The following IRAK1BP1 variants were observed in gnomAD, a reference collection of about 807,000 sequenced individuals.
IRAK1BP1 encodes interleukin 1 receptor associated kinase 1 binding protein 1.
IRAK1BP1 carries 24 observed loss-of-function variants against 28.0 expected under a neutral mutation model. The ratio of observed to expected loss-of-function variants is 0.86; its 90% CI spans 0.62 to 1.20. The LOEUF (loss-of-function observed/expected upper bound fraction) is 1.20. Among genes scored for constraint, IRAK1BP1 ranks in the 50% most tolerant of loss-of-function variants. IRAK1BP1 has a pLI of 0.00. For synonymous variants in IRAK1BP1, 131 were observed against 116.3 expected, an observed-to-expected ratio of 1.13 and a Z score of -0.81; for missense variants, 336 against 316.7, an observed-to-expected ratio of 1.06 and a Z score of -0.46.
the IRAK1BP1 span, among the ~76,000 whole-genome samples, chr6:78,973,951 A>T: frequency 6.6e-6 from 1 of 152,084 alleles, no homozygotes; most frequent in African/African-American, 2.4e-5. Flanking sequence ...CCCACTGTCA[A>T]CATTAGACAG....
chr6:78,884,078 T>C (rs1192909675), intron 1 of IRAK1BP1, among the ~76,000 whole-genome samples: 1 of 152,190 alleles, frequency 6.6e-6, no homozygotes, highest in Non-Finnish European at 1.5e-5. Context: ...TTTTCCACAA[T>C]GAGTAGGTAT....
chr6:78,929,789 G>C (rs1352000617), intron 4 of IRAK1BP1, among the ~76,000 whole-genome samples: 1 of 152,148 alleles, frequency 6.6e-6, no homozygotes, highest in Non-Finnish European at 1.5e-5. Context: ...GCTTTCTCAA[G>C]AAGAGACAAG....
downstream of IRAK1BP1, among the ~76,000 whole-genome samples, chr6:78,907,901 G>A (rs1176259150): frequency 6.6e-6 from 1 of 151,176 alleles, no homozygotes; most frequent in Non-Finnish European, 1.5e-5. Context: ...TGTGTTTTTA[G>A]TAGAGACGGG....
chr6:78,871,297 A>G lies in IRAK1BP1; in HGVS notation c.315+3406A>G, dbSNP rs1385135709. 3.0e-6 allele frequency: 3 copies of G among 985,138 alleles called. No homozygotes were observed. In the East Asian group the frequency reaches 3.4e-4, roughly 112 times the overall value. 61.0% of individuals were successfully genotyped at this position (985,138 alleles called of 1,614,324 possible). A position where few individuals can be genotyped will look rare whatever the true frequency, so the allele number is the denominator to read the frequency against. ...AGTGTTTCGGTCACTCAGGATGCATATCTAAGTTCTAGTGCAAGAGAGGAC... is the reference window on the plus strand; with the variant it reads ...AGTGTTTCGGTCACTCAGGATGCATGTCTAAGTTCTAGTGCAAGAGAGGAC... On this transcript the variant is annotated intron_variant, in intron 1 of 3. Transcript: ENST00000369940.
At chr6:78,924,345 C>T (rs906010191) in intron 4 of IRAK1BP1, among the ~76,000 whole-genome samples, 4 of 152,170 alleles carry the variant, frequency 2.6e-5, no homozygotes, top group African/African-American at 7.2e-5. Context: ...TCAACACATA[C>T]ACCCTGCCAA....
chr6:78,933,687 G>A (rs879941263), intron 4 of IRAK1BP1, among the ~76,000 whole-genome samples: 1 of 64,610 alleles, frequency 1.5e-5, no homozygotes, highest in African/African-American at 6.8e-5. Context: ...TTTTTTTTTT[G>A]GCAGCTTTCT....
At chr6:78,871,311 G>A in intron 1 of IRAK1BP1, 2 of 985,008 alleles carry the variant, frequency 2.0e-6, no homozygotes, top group Non-Finnish European at 2.4e-6. Context: ...AAGTTCTAGT[G>A]CAAGAGAGGA....
the IRAK1BP1 span, among the ~76,000 whole-genome samples, chr6:78,974,619 A>G: frequency 7.9e-5 from 12 of 152,246 alleles, no homozygotes; most frequent in African/African-American, 2.7e-4. Flanking sequence ...CAAAATCGAT[A>G]GACCGCCAGC....
At chr6:78,868,513 TA>T (rs1329933641) in intron 1 of IRAK1BP1, among the ~76,000 whole-genome samples, 2 of 152,230 alleles carry the variant, frequency 1.3e-5, no homozygotes, top group African/African-American at 4.8e-5. Context: ...GTATTGTGGA[TA>T]CCACATATAC....
At chr6:78,948,045 T>C (rs1162798954), downstream of IRAK1BP1, among the ~76,000 whole-genome samples, 2 of 152,052 alleles carry the variant, frequency 1.3e-5, no homozygotes, top group Non-Finnish European at 2.9e-5. Context: ...TGGAGTTGTA[T>C]TGGAAAAGGG....
chr6:78,920,164 G>A (rs1259545339), intron 4 of IRAK1BP1, among the ~76,000 whole-genome samples: 2 of 152,208 alleles, frequency 1.3e-5, no homozygotes, highest in South Asian at 2.1e-4. Flanking sequence ...TGAGGTAGGA[G>A]AATGGCTTGA....
chr6:78,914,842 A>G (rs2127663107), intron 4 of IRAK1BP1, among the ~76,000 whole-genome samples: 1 of 152,220 alleles, frequency 6.6e-6, no homozygotes, highest in African/African-American at 2.4e-5. Flanking sequence ...GTTTTTTGAG[A>G]TGGAGTCTTG....
chr6:78,901,390 A>G lies in IRAK1BP1; in HGVS notation c.*3056A>G, dbSNP rs1003417793. 1.3e-5 allele frequency: 2 copies of G among 152,088 alleles called. No homozygotes were observed. Among genetic ancestry groups the G allele is most frequent in the African/African-American group, 2.4e-5 (1 of 41,436 alleles). The allele number at this position is 152,088 out of a possible 1,614,324, so 9.4% of individuals were successfully genotyped here. The stretch of plus-strand genomic sequence containing the variant: ...GGGTATCAAATTTAGTTGTCAGTTG[A>G]TAGCAATTTAATTTCTTGATACATG... On this transcript the variant is annotated 3_prime_UTR_variant, in exon 4 of 4. Transcript: ENST00000369940.
intron 2 of IRAK1BP1, among the ~76,000 whole-genome samples, chr6:78,891,789 A>G (rs1474222714): frequency 2.0e-5 from 3 of 152,110 alleles, no homozygotes; most frequent in South Asian, 2.1e-4. Context: ...CCTGGGGTAT[A>G]ATAGGTATTC....
At chr6:78,946,762 C>T (rs1466674577), downstream of IRAK1BP1, 2 of 1,590,860 alleles carry the variant, frequency 1.3e-6, no homozygotes, top group South Asian at 2.3e-5. Flanking sequence ...TTTCTTCCTC[C>T]TTTTGGTTAT....
the IRAK1BP1 span, among the ~76,000 whole-genome samples, chr6:78,973,150 G>T: frequency 0.11 from 16,101 of 152,090 alleles, 881 homozygotes; most frequent in Middle Eastern, 0.19. Context: ...ACGCTCAAAG[G>T]GAAGCCCATT....
downstream of IRAK1BP1, among the ~76,000 whole-genome samples, chr6:78,947,189 C>T (rs994740730): frequency 6.6e-6 from 1 of 152,122 alleles, no homozygotes; most frequent in African/African-American, 2.4e-5. Flanking sequence ...AATGTTTGAA[C>T]CTGTTTTCTA....
intron 4 of IRAK1BP1, among the ~76,000 whole-genome samples, chr6:78,910,900 A>G (rs561724239): frequency 1.3e-5 from 2 of 152,360 alleles, no homozygotes; most frequent in South Asian, 4.1e-4. Context: ...TAGCACCCCA[A>G]GACGCTGCTG....
chr6:78,962,921 T>C, the IRAK1BP1 span, among the ~76,000 whole-genome samples: 1 of 152,172 alleles, frequency 6.6e-6, no homozygotes, highest in African/African-American at 2.4e-5. Context: ...TTTATAACTG[T>C]TTTAAATAGT....
Sources: allele counts gnomAD v4.1 joint callset (sites outside exome capture counted in the v4.1 genomes callset), GRCh38; gene constraint gnomAD v4.1.1; transcripts MANE v1.5; gene names NCBI Gene and HGNC (gene_info 2026-07-23, HGNC 2026-07-21).